EPDR1: variants seen among roughly 807,000 people sequenced by gnomAD.
EPDR1 encodes mammalian ependymin-related protein 1.
Under a neutral mutation model 23.7 loss-of-function variants are expected in EPDR1, and 27 were observed. That is an observed-to-expected ratio of 1.14 (90% confidence interval 0.84 to 1.57). EPDR1 has a LOEUF of 1.57. Among genes scored for constraint, EPDR1 ranks in the 40% most tolerant of loss-of-function variants. The pLI is 0.00. For synonymous variants in EPDR1, 137 were observed against 118.2 expected (o/e 1.16, Z -1.03); for missense variants, 349 against 290.4 (o/e 1.20, Z -1.47).
chr7:37,938,347 G>A (rs1786102257), intron 1 of EPDR1, among the ~76,000 whole-genome samples: 1 of 152,116 alleles, frequency 6.6e-6, no homozygotes, highest in Non-Finnish European at 1.5e-5. Flanking sequence ...GCCAAATCAG[G>A]ACTGTCAAGT....
intron 1 of EPDR1, among the ~76,000 whole-genome samples, chr7:37,947,491 T>G (rs1175432904): frequency 6.6e-6 from 1 of 152,254 alleles, no homozygotes; most frequent in Admixed American, 6.5e-5. Flanking sequence ...CTAACATTTT[T>G]TTCCGAAGAA....
At chr7:37,935,804 T>C (rs909506956) in intron 1 of EPDR1, among the ~76,000 whole-genome samples, 1 of 151,312 alleles carries the variant, frequency 6.6e-6, no homozygotes, top group Non-Finnish European at 1.5e-5. Flanking sequence ...GGACAGTTAG[T>C]AGTATCTCAT....
chr7:37,939,394 C>G (rs1463233843), intron 1 of EPDR1, among the ~76,000 whole-genome samples: 2 of 152,084 alleles, frequency 1.3e-5, no homozygotes, highest in African/African-American at 2.4e-5. Flanking sequence ...TTATTTGTAA[C>G]TGCTGACTTC....
chr7:37,925,627 A>C (rs956940343), intron 1 of EPDR1, among the ~76,000 whole-genome samples: 7 of 152,212 alleles, frequency 4.6e-5, no homozygotes, highest in African/African-American at 1.7e-4. Flanking sequence ...TTAGACCATG[A>C]TGGAGTGACA....
chr7:37,940,335 C>T (rs1481762653), intron 1 of EPDR1, among the ~76,000 whole-genome samples: 1 of 152,028 alleles, frequency 6.6e-6, no homozygotes, highest in Non-Finnish European at 1.5e-5. Flanking sequence ...GGGAACTTGC[C>T]TCAACGTACC....
Position 37,951,282 on chromosome 7 carries a change from C to T in EPDR1, c.*886C>T, listed in dbSNP as rs1786402087. The T allele has an allele frequency of 6.6e-6, 1 of 152,252 alleles. No homozygotes were observed. Among genetic ancestry groups the T allele is most frequent in the African/African-American group, 2.4e-5 (1 of 41,458 alleles). 9.4% of individuals were successfully genotyped at this position (152,252 alleles called of 1,614,324 possible). A position where few individuals can be genotyped will look rare whatever the true frequency, so the allele number is the denominator to read the frequency against. On this transcript the variant is annotated 3_prime_UTR_variant, in exon 3 of 3. Transcript: ENST00000199448. Reference sequence around the variant, plus strand: ...GTCACTCCTTTGGTCATTAAATGCACTGGGCTTGCCCGCACTTTGGCCTTC... The same window carrying T: ...GTCACTCCTTTGGTCATTAAATGCATTGGGCTTGCCCGCACTTTGGCCTTC...
chr7:37,924,932 T>G (rs567572668), intron 1 of EPDR1, among the ~76,000 whole-genome samples: 2 of 152,220 alleles, frequency 1.3e-5, no homozygotes, highest in Non-Finnish European at 2.9e-5. Context: ...CTTAAGATTT[T>G]CATTTTGCAT....
rs537114921 is a variant in EPDR1, at chr7:37,943,707, A to C, written c.270-5133A>C. On this transcript the variant is annotated intron_variant, in intron 1 of 2. Coordinates refer to ENST00000199448, the MANE Select transcript of EPDR1 (RefSeq NM_017549.5). Reference sequence around the variant, plus strand: ...AGATGATGTCTACTTTTAAAAAAGCAAATATTTTGAAAACATAGAAAAGTA... The same window carrying C: ...AGATGATGTCTACTTTTAAAAAAGCCAATATTTTGAAAACATAGAAAAGTA... Among the ~76,000 whole-genome samples, 3 of 152,400 alleles carry C rather than the reference A, an allele frequency of 2.0e-5. No homozygotes were observed. In the East Asian group the frequency reaches 5.8e-4, roughly 29 times the overall value.
chr7:37,939,078 A>C (rs2132012948), intron 1 of EPDR1, among the ~76,000 whole-genome samples: 1 of 151,134 alleles, frequency 6.6e-6, no homozygotes, highest in South Asian at 2.1e-4. Flanking sequence ...TCCTGAGTTC[A>C]CACCATTCTC....
intron 1 of EPDR1, among the ~76,000 whole-genome samples, chr7:37,934,731 G>A (rs1786014887): frequency 1.3e-5 from 2 of 152,070 alleles, no homozygotes; most frequent in South Asian, 4.2e-4. Context: ...ATCACTTGAG[G>A]CCAGGAGTTT....
chr7:37,930,519 G>T (rs1215050405), intron 1 of EPDR1, among the ~76,000 whole-genome samples: 1 of 152,174 alleles, frequency 6.6e-6, no homozygotes, highest in Non-Finnish European at 1.5e-5. Context: ...TTTCCTGTAG[G>T]TGTGGGAGTT....
At chr7:37,936,965 A>G (rs1186101667) in intron 1 of EPDR1, among the ~76,000 whole-genome samples, 1 of 152,190 alleles carries the variant, frequency 6.6e-6, no homozygotes, top group Non-Finnish European at 1.5e-5. Context: ...ACGTTGGAAA[A>G]GAAGGACACA....
In EPDR1 at chr7:37,921,117, G is replaced by C. The variant is rs537394615; in HGVS notation, c.178G>C (p.Gly60Arg). Residue 60 changes from glycine to arginine, a missense_variant, in exon 1 of 3, where the codon GGG becomes CGG. Transcript: ENST00000199448. Reference sequence around the variant, plus strand: ...CCAGGTTATGTACCAGCAAAGTAGCGGGCGCAACAGCCGCGCCCTGCTCTC... The same window carrying C: ...CCAGGTTATGTACCAGCAAAGTAGCCGGCGCAACAGCCGCGCCCTGCTCTC... ...GRQVMYQQSS[G>R]RNSRALLSYD... 1.4e-5 allele frequency: 23 copies of C among 1,594,526 alleles called. 1 individual carries two copies. The highest frequency in any genetic ancestry group is 1.9e-5 in the Non-Finnish European group (22 of 1,178,018).
intron 1 of EPDR1, among the ~76,000 whole-genome samples, chr7:37,932,497 T>C (rs1433116839): frequency 2.0e-5 from 3 of 152,194 alleles, no homozygotes; most frequent in East Asian, 1.9e-4. Flanking sequence ...TCCTTTTCAA[T>C]TGTAAACACA....
chr7:37,947,808 A>G (rs1296234072), intron 1 of EPDR1, among the ~76,000 whole-genome samples: 1 of 152,212 alleles, frequency 6.6e-6, no homozygotes. Context: ...TACAGGACTG[A>G]TGCCAATACT....
At chr7:37,933,724 C>T (rs1237339140) in intron 1 of EPDR1, among the ~76,000 whole-genome samples, 3 of 152,162 alleles carry the variant, frequency 2.0e-5, no homozygotes, top group Non-Finnish European at 4.4e-5. Context: ...TTGGGCCCTG[C>T]TCATTCTGAG....
In EPDR1 at chr7:37,951,266, T is replaced by A. The variant is rs760339442; in HGVS notation, c.*870T>A. On this transcript the variant is annotated 3_prime_UTR_variant, in exon 3 of 3. Coordinates refer to ENST00000199448, the MANE Select transcript of EPDR1 (RefSeq NM_017549.5). The stretch of plus-strand genomic sequence containing the variant: ...AGAGTTCCCTCGTACTGTCACTCCT[T>A]TGGTCATTAAATGCACTGGGCTTGC... 11 of 152,198 alleles carry A rather than the reference T, an allele frequency of 7.2e-5. No homozygotes were observed. The highest frequency in any genetic ancestry group is 1.6e-4 in the Non-Finnish European group (11 of 68,058). 9.4% of individuals were successfully genotyped at this position (152,198 alleles called of 1,614,324 possible).
At chr7:37,927,700 C>T (rs1417558049) in intron 1 of EPDR1, among the ~76,000 whole-genome samples, 2 of 152,176 alleles carry the variant, frequency 1.3e-5, no homozygotes. Flanking sequence ...ATATAAAGTG[C>T]TCAATAAATC....
chr7:37,923,238 T>G (rs971499946), intron 1 of EPDR1, among the ~76,000 whole-genome samples: 1 of 152,130 alleles, frequency 6.6e-6, no homozygotes, highest in African/African-American at 2.4e-5. Flanking sequence ...GAACACAATC[T>G]TGGAGATTGT....
Sources: gnomAD v4.1 joint callset for allele counts (sites outside exome capture counted in the v4.1 genomes callset) on GRCh38, gnomAD v4.1.1 for gene constraint, MANE v1.5 for transcripts, NCBI Gene and HGNC (gene_info 2026-07-23, HGNC 2026-07-21) for gene names.